The following SLC9C1 variants were observed in gnomAD, a reference collection of about 807,000 sequenced individuals.
SLC9C1 encodes the protein sodium/hydrogen exchanger 10.
Under a neutral mutation model 140.9 loss-of-function variants are expected in SLC9C1, and 97 were observed. The ratio of observed to expected loss-of-function variants is 0.69; its 90% CI spans 0.58 to 0.82. The LOEUF is 0.82. SLC9C1 is among the 40% of genes least tolerant of loss of function. SLC9C1 has a pLI of 0.00. For synonymous variants in SLC9C1, 440 were observed against 442.6 expected (o/e 0.99, Z 0.07); for missense variants, 1,340 against 1,389.3 (o/e 0.96, Z 0.56).
At chr3:112,234,830 G>A (rs940144621) in intron 12 of SLC9C1, among the ~76,000 whole-genome samples, 2 of 152,008 alleles carry the variant, frequency 1.3e-5, no homozygotes, top group East Asian at 3.9e-4. Flanking sequence ...CTGTTCCATT[G>A]TCTAGATCTC....
chr3:112,260,029 A>G (rs919211341), intron 10 of SLC9C1, among the ~76,000 whole-genome samples: 2 of 152,070 alleles, frequency 1.3e-5, no homozygotes, highest in African/African-American at 4.8e-5. Flanking sequence ...GTCAATGATG[A>G]TTTCAATTCT....
intron 28 of SLC9C1, among the ~76,000 whole-genome samples, chr3:112,149,568 G>C (rs767837586): frequency 1.8e-4 from 27 of 152,180 alleles, no homozygotes; most frequent in Non-Finnish European, 3.8e-4. Flanking sequence ...CCCTGGGCTT[G>C]GAGCAGAGAG....
intron 10 of SLC9C1, among the ~76,000 whole-genome samples, chr3:112,260,918 G>A (rs2079754203): frequency 6.6e-6 from 1 of 151,964 alleles, no homozygotes; most frequent in African/African-American, 2.4e-5. Context: ...AATTTCTGGT[G>A]CTCCTTTTTC....
chr3:112,216,252 C>A (rs560254726), intron 15 of SLC9C1, among the ~76,000 whole-genome samples: 297 of 152,128 alleles, frequency 2.0e-3, no homozygotes, highest in African/African-American at 6.4e-3. Context: ...CCATAAAAAC[C>A]CTAGAAGAAA....
chr3:112,277,821 T>G lies in SLC9C1; in HGVS notation c.358A>C (p.Ile120Leu), dbSNP rs778449361. 2.5e-6 allele frequency: 4 copies of G among 1,604,618 alleles called. No individual in the cohort carries two copies. The South Asian group carries it at 4.5e-5, about 18-fold the overall frequency. The change falls in exon 5 of 29, where the codon ATC becomes CTC. Residue 120 changes from isoleucine (I) to leucine (L), a missense_variant. By Grantham distance (5) the Ile-to-Leu change is conservative. Transcript: ENST00000305815. Reference protein sequence around the residue: ...ISIPGFLVNYILVLWHLASVN... With the variant: ...ISIPGFLVNYLLVLWHLASVN... ...GATGCCAGATGCCAAAGAACTAAGA[T>G]ATAATTAACCAAAAAGCCGGGAATT...
intron 26 of SLC9C1, among the ~76,000 whole-genome samples, chr3:112,166,824 T>G (rs2077148137): frequency 6.6e-6 from 1 of 152,176 alleles, no homozygotes; most frequent in Non-Finnish European, 1.5e-5. Flanking sequence ...AAGTTTTATC[T>G]ATTAAAATCT....
intron 20 of SLC9C1, among the ~76,000 whole-genome samples, chr3:112,195,016 A>G (rs2077740340): frequency 6.6e-6 from 1 of 152,046 alleles, no homozygotes; most frequent in Admixed American, 6.6e-5. Context: ...TCTATATATT[A>G]TGGGTATTAA....
intron 23 of SLC9C1, among the ~76,000 whole-genome samples, chr3:112,170,427 T>C (rs1254496435): frequency 1.3e-5 from 2 of 152,244 alleles, no homozygotes; most frequent in East Asian, 1.9e-4. Context: ...ATGTCTTCTT[T>C]TGAGAAATGT....
At chr3:112,262,443 G>T (rs1205896434) in intron 10 of SLC9C1, among the ~76,000 whole-genome samples, 1 of 150,556 alleles carries the variant, frequency 6.6e-6, no homozygotes, top group Non-Finnish European at 1.5e-5. Flanking sequence ...TTCTTACAGA[G>T]ATCCTTGTAA....
At chr3:112,162,007 T>C (rs1334980958) in intron 26 of SLC9C1, among the ~76,000 whole-genome samples, 2 of 152,170 alleles carry the variant, frequency 1.3e-5, no homozygotes, top group Admixed American at 1.3e-4. Flanking sequence ...GTTGGATTCC[T>C]AGGTATTTTA....
rs1469747745 is a variant in SLC9C1, at chr3:112,267,596, AAGAG to A, written c.776-1260_776-1257del. On this transcript the variant is annotated intron_variant, in intron 7 of 28. Coordinates refer to ENST00000305815, the MANE Select transcript of SLC9C1 (RefSeq NM_183061.3). ...GTCTCAAAAAAAAAAAAAAAAAAAA[AAGAG>A]AGAGAGAGAGAAGGAAATTTTAAAA... 4.8e-3 allele frequency among the ~76,000 whole-genome samples: 670 copies of A among 138,484 alleles called. 20 individuals carry two copies. Among genetic ancestry groups the A allele is most frequent in the East Asian group, 0.014 (62 of 4,410 alleles). The allele number at this position is 138,484 out of a possible 152,430, so 90.9% of individuals were successfully genotyped here. A position where few individuals can be genotyped will look rare whatever the true frequency, so the allele number is the denominator to read the frequency against.
chr3:112,226,436 A>G (rs1278860330), intron 13 of SLC9C1, among the ~76,000 whole-genome samples: 5 of 151,998 alleles, frequency 3.3e-5, no homozygotes, highest in Non-Finnish European at 7.4e-5. Flanking sequence ...AAAAATAGAC[A>G]GAGGGCCAGG....
chr3:112,163,638 AGTTT>A (rs1197828366), intron 26 of SLC9C1, among the ~76,000 whole-genome samples: 2 of 151,936 alleles, frequency 1.3e-5, no homozygotes, highest in African/African-American at 4.8e-5. Flanking sequence ...TCTGAGAGAC[AGTTT>A]GTTATAATTT....
intron 26 of SLC9C1, among the ~76,000 whole-genome samples, chr3:112,158,561 C>T (rs1305006886): frequency 6.6e-6 from 1 of 151,796 alleles, no homozygotes; most frequent in African/African-American, 2.4e-5. Flanking sequence ...ATTTCTTTCT[C>T]TTCAATTTTT....
chr3:112,249,556 A>T (rs1480810573), intron 10 of SLC9C1, among the ~76,000 whole-genome samples: 2 of 151,902 alleles, frequency 1.3e-5, no homozygotes, highest in Non-Finnish European at 1.5e-5. Context: ...AGTACAATTC[A>T]TCTATGAATT....
At chr3:112,225,124 T>C (rs1242526531) in intron 13 of SLC9C1, among the ~76,000 whole-genome samples, 1 of 152,032 alleles carries the variant, frequency 6.6e-6, no homozygotes, top group Non-Finnish European at 1.5e-5. Context: ...AGAGAGAATT[T>C]TAAAAATAGA....
At chr3:112,237,144 T>C (rs1362415819) in intron 12 of SLC9C1, among the ~76,000 whole-genome samples, 1 of 152,220 alleles carries the variant, frequency 6.6e-6, no homozygotes, top group Non-Finnish European at 1.5e-5. Flanking sequence ...TGAATCTAGG[T>C]GCTCCTGTAT....
chr3:112,209,497 C>T (rs2078143520), intron 15 of SLC9C1, among the ~76,000 whole-genome samples: 1 of 134,384 alleles, frequency 7.4e-6, no homozygotes, highest in African/African-American at 2.8e-5. Context: ...AGCTATATTT[C>T]TTTCCCTTGA....
intron 2 of SLC9C1, among the ~76,000 whole-genome samples, chr3:112,281,071 GT>G (rs1319544147): frequency 6.6e-6 from 1 of 152,162 alleles, no homozygotes; most frequent in African/African-American, 2.4e-5. Context: ...ATTTATAGTA[GT>G]TTTGTACACA....
Sources: gnomAD v4.1 joint callset for allele counts (sites outside exome capture counted in the v4.1 genomes callset) on GRCh38, gnomAD v4.1.1 for gene constraint, MANE v1.5 for transcripts, NCBI Gene and HGNC (gene_info 2026-07-23, HGNC 2026-07-21) for gene names.